ITGBL1: variants seen among roughly 807,000 people sequenced by gnomAD.
ITGBL1 encodes integrin beta-like protein 1.
A neutral mutation model predicts 68.5 loss-of-function variants in ITGBL1; 51 were observed. The ratio of observed to expected loss-of-function variants is 0.74; its 90% CI spans 0.59 to 0.94. The LOEUF is 0.94. Ranked by LOEUF, ITGBL1 falls within the 40% of genes least tolerant of loss-of-function variation. The pLI is 0.00. For missense variants in ITGBL1, 649 were observed against 647.4 expected, an observed-to-expected ratio of 1.00 and a Z score of -0.03; for synonymous variants, 209 against 227.3, an observed-to-expected ratio of 0.92 and a Z score of 0.72.
intron 7 of ITGBL1, among the ~76,000 whole-genome samples, chr13:101,680,905 C>T (rs1362663001): frequency 6.6e-6 from 1 of 152,128 alleles, no homozygotes; most frequent in Non-Finnish European, 1.5e-5. Flanking sequence ...AGTGTATTTC[C>T]CTTTTAGACA....
chr13:101,575,393 A>G (rs911144350), intron 3 of ITGBL1, 31 bp from the exon 4 acceptor site: 3 of 1,603,068 alleles, frequency 1.9e-6, no homozygotes, highest in Admixed American at 1.7e-5. Context: ...TGTGCATGTA[A>G]CAAACAGTCT....
intron 7 of ITGBL1, among the ~76,000 whole-genome samples, chr13:101,635,496 A>C (rs918156269): frequency 1.3e-5 from 2 of 152,058 alleles, no homozygotes; most frequent in African/African-American, 4.8e-5. Flanking sequence ...AGGTTTAAAA[A>C]ATCAGTCTCA....
intron 2 of ITGBL1, among the ~76,000 whole-genome samples, chr13:101,520,051 G>A (rs956395306): frequency 5.9e-5 from 9 of 152,142 alleles, no homozygotes; most frequent in Non-Finnish European, 1.2e-4. Flanking sequence ...TGAAATATTA[G>A]CCTTGTGTTA....
intron 7 of ITGBL1, among the ~76,000 whole-genome samples, chr13:101,689,871 A>G (rs1190710588): frequency 6.6e-6 from 1 of 152,192 alleles, no homozygotes; most frequent in Non-Finnish European, 1.5e-5. Context: ...ATTCAGTTAC[A>G]CTTTTTCACT....
At chr13:101,570,827 A>G (rs1490995010) in intron 3 of ITGBL1, among the ~76,000 whole-genome samples, 6 of 152,158 alleles carry the variant, frequency 3.9e-5, no homozygotes, top group Admixed American at 1.3e-4. Flanking sequence ...TAATGTAGAC[A>G]TTTATAAGAA....
At chr13:101,512,235 G>C (rs1431657432) in intron 2 of ITGBL1, among the ~76,000 whole-genome samples, 2 of 151,840 alleles carry the variant, frequency 1.3e-5, no homozygotes, top group Admixed American at 6.6e-5. Context: ...CTTTGCCTTT[G>C]CTGGGTTATT....
At chr13:101,566,123 ATTTCTATT>A (rs2050179926) in intron 2 of ITGBL1, among the ~76,000 whole-genome samples, 1 of 152,138 alleles carries the variant, frequency 6.6e-6, no homozygotes, top group South Asian at 2.1e-4. Flanking sequence ...CTTCTAAATC[ATTTCTATT>A]TTCTTTACTG....
intron 9 of ITGBL1, chr13:101,712,790 G>T (rs2034534890): frequency 6.6e-6 from 1 of 152,124 alleles, no homozygotes; most frequent in African/African-American, 2.4e-5. Context: ...GCCTAGAAAT[G>T]TGAAAGAAAG....
At chr13:101,577,408 A>C (rs2050381008) in intron 4 of ITGBL1, among the ~76,000 whole-genome samples, 2 of 152,206 alleles carry the variant, frequency 1.3e-5, no homozygotes, top group Non-Finnish European at 2.9e-5. Context: ...TGTCTTGTTC[A>C]ATATTTTTAT....
chr13:101,639,331 AT>A (rs1369832682), intron 7 of ITGBL1, among the ~76,000 whole-genome samples: 37 of 152,344 alleles, frequency 2.4e-4, no homozygotes, highest in African/African-American at 8.7e-4. Flanking sequence ...GGATAAAATA[AT>A]TGCTTGAATA....
At chr13:101,601,087 A>C (rs529824500) in intron 7 of ITGBL1, among the ~76,000 whole-genome samples, 1 of 151,830 alleles carries the variant, frequency 6.6e-6, no homozygotes, top group Admixed American at 6.6e-5. Context: ...TTTGGTTGGT[A>C]AGCTATTATT....
chr13:101,464,527 C>CTA (rs1410625231), intron 2 of ITGBL1, among the ~76,000 whole-genome samples: 3 of 151,460 alleles, frequency 2.0e-5, no homozygotes, highest in Non-Finnish European at 2.9e-5. Context: ...GTCTCTCTCT[C>CTA]TCTCTATATA....
chr13:101,459,962 T>C (rs2048295883), intron 2 of ITGBL1, among the ~76,000 whole-genome samples: 1 of 152,142 alleles, frequency 6.6e-6, no homozygotes, highest in African/African-American at 2.4e-5. Context: ...GAACTGGACT[T>C]CCTGGCTCTT....
downstream of ITGBL1, chr13:101,720,825 A>G (rs2034924148): frequency 6.6e-6 from 1 of 152,178 alleles, no homozygotes; most frequent in African/African-American, 2.4e-5. Context: ...TTTGTAATTT[A>G]GCATCATTGG....
chr13:101,582,896 C>G (rs934016601), intron 5 of ITGBL1, among the ~76,000 whole-genome samples: 3 of 151,946 alleles, frequency 2.0e-5, no homozygotes, highest in Non-Finnish European at 4.4e-5. Flanking sequence ...TTCTATTTGC[C>G]AAATAGATTG....
intron 2 of ITGBL1, among the ~76,000 whole-genome samples, chr13:101,460,401 C>A (rs977784307): frequency 3.3e-5 from 5 of 152,224 alleles, no homozygotes; most frequent in Non-Finnish European, 7.3e-5. Context: ...CACTAGCTCA[C>A]CCACTGCATG....
At chr13:101,656,965 T>TC (rs967908263) in intron 7 of ITGBL1, among the ~76,000 whole-genome samples, 1 of 151,970 alleles carries the variant, frequency 6.6e-6, no homozygotes, top group Non-Finnish European at 1.5e-5. Flanking sequence ...TCTTTTTTTT[T>TC]TTAATTATAC....
At chr13:101,600,283 A>G (rs2030279474) in intron 7 of ITGBL1, among the ~76,000 whole-genome samples, 1 of 152,100 alleles carries the variant, frequency 6.6e-6, no homozygotes, top group Admixed American at 6.6e-5. Context: ...TTGCACATTG[A>G]TTTTGTATCC....
intron 7 of ITGBL1, among the ~76,000 whole-genome samples, chr13:101,672,761 C>T (rs2033409061): frequency 6.6e-6 from 1 of 152,162 alleles, no homozygotes; most frequent in African/African-American, 2.4e-5. Context: ...CTCCTCTCCC[C>T]TTTCTTCTGC....
Sources: allele counts gnomAD v4.1 joint callset (sites outside exome capture counted in the v4.1 genomes callset), GRCh38; gene constraint gnomAD v4.1.1; transcripts MANE v1.5; gene names NCBI Gene and HGNC (gene_info 2026-07-23, HGNC 2026-07-21).